The following SIN3A variants were observed in gnomAD, a reference collection of about 807,000 sequenced individuals.
SIN3A encodes the protein paired amphipathic helix protein Sin3a.
In SIN3A, 14 loss-of-function variants were observed where a neutral mutation model predicts 146.1. The ratio of observed to expected loss-of-function variants is 0.10; its 90% CI spans 0.06 to 0.15. The LOEUF (loss-of-function observed/expected upper bound fraction) is 0.15. SIN3A is among the 10% of genes least tolerant of loss of function. The pLI, the probability that SIN3A is intolerant of heterozygous loss-of-function variation, is 1.00. For missense variants in SIN3A, 1,028 were observed against 1,576.0 expected, an observed-to-expected ratio of 0.65 and a Z score of 5.89; for synonymous variants, 572 against 572.0, an observed-to-expected ratio of 1.00 and a Z score of 0.00.
intron 9 of SIN3A, among the ~76,000 whole-genome samples, chr15:75,402,310 G>A (rs150211078): frequency 5.3e-5 from 8 of 152,176 alleles, no homozygotes; most frequent in East Asian, 3.9e-4. Context: ...CCAGGACTTC[G>A]AGCCCAGACT....
intron 2 of SIN3A, among the ~76,000 whole-genome samples, chr15:75,424,326 C>G (rs979352268): frequency 1.3e-5 from 2 of 151,124 alleles, no homozygotes; most frequent in Non-Finnish European, 3.0e-5. Context: ...CCCAGCTATT[C>G]GGGAGGCTGA....
At chr15:75,450,197 C>T (rs897240136) in intron 1 of SIN3A, among the ~76,000 whole-genome samples, 2 of 151,550 alleles carry the variant, frequency 1.3e-5, no homozygotes, top group Admixed American at 6.6e-5. Context: ...AAAAAACAAA[C>T]CCTACTTTAT....
Position 75,392,348 on chromosome 15 carries a change from C to T in SIN3A, c.2745G>A (p.Arg915=). Residue 915 remains arginine, a synonymous_variant, in exon 15 of 21, where the codon CGG becomes CGA. Transcript: ENST00000394947. ...RLLRICSQAE[R]QIEEENRERE... is the part of the protein sequence containing the mutation. ...TCTCTCGGTTTTCTTCTTCAATTTG[C>T]CGTTCGGCTTGGGAACAAATCCGTA... 6.2e-7 allele frequency: 1 copy of T among 1,614,230 alleles called. No individual in the cohort carries two copies. Among genetic ancestry groups the T allele is most frequent in the Non-Finnish European group, 8.5e-7 (1 of 1,180,046 alleles).
At chr15:75,402,125 G>A (rs767599740) in intron 9 of SIN3A, among the ~76,000 whole-genome samples, 155 bp from the exon 10 acceptor site, 6 of 152,066 alleles carry the variant, frequency 3.9e-5, no homozygotes, top group Non-Finnish European at 5.9e-5. Context: ...TGGGACTACA[G>A]GTGTGAGCCA....
chr15:75,422,785 G>C lies in SIN3A; in HGVS notation c.228C>G (p.Pro76=). ...GGCTGCTATGAACTGCTGCTATAGC[G>C]GGCCCATGACTGCCGGAGCTCTGTG... is the stretch of plus-strand genomic sequence containing the variant. ...AMPQSSGSHG[P]AIAAVHSSHH... is the part of the protein sequence containing the mutation. Residue 76 remains proline, a synonymous_variant, in exon 3 of 21, where the codon CCC becomes CCG. Coordinates refer to ENST00000394947, the MANE Select transcript of SIN3A (RefSeq NM_001145358.2). 1 of 1,614,132 alleles carries C rather than the reference G, an allele frequency of 6.2e-7. No individual in the cohort carries two copies. The highest frequency in any genetic ancestry group is 8.5e-7 in the Non-Finnish European group (1 of 1,180,004).
Position 75,396,361 on chromosome 15 carries a change from T to C in SIN3A, c.1990A>G (p.Ile664Val). The change falls in exon 13 of 21, where the codon ATC (isoleucine) becomes GTC (valine). Residue 664 changes from isoleucine to valine, a missense_variant. By Grantham distance (29) the Ile-to-Val change is conservative. Around this residue, in one of 9 missense-constraint regions of SIN3A, gnomAD observed 157 missense variants for 284.8 expected, o/e 0.55. Transcript: ENST00000394947. ...ATCCTCTGGAGTGCTTTTCTATGGATGACTTCTGATGTGCCCCCAAGGGTG... is the reference window on the plus strand; with the variant it reads ...ATCCTCTGGAGTGCTTTTCTATGGACGACTTCTGATGTGCCCCCAAGGGTG... ...DNTLGGTSEV[I>V]HRKALQRIYA... The C allele has an allele frequency of 1.2e-6, 2 of 1,614,200 alleles. No homozygotes were observed. The highest frequency in any genetic ancestry group is 1.7e-6 in the Non-Finnish European group (2 of 1,180,028).
upstream of SIN3A, among the ~76,000 whole-genome samples, chr15:75,454,700 C>A (rs1445127767): frequency 6.6e-6 from 1 of 151,556 alleles, no homozygotes; most frequent in Non-Finnish European, 1.5e-5. Context: ...CGCCCCCGCC[C>A]CATCCGCGCC....
intron 9 of SIN3A, among the ~76,000 whole-genome samples, chr15:75,405,724 C>T (rs556025665): frequency 2.0e-5 from 3 of 152,140 alleles, no homozygotes; most frequent in African/African-American, 7.2e-5. Flanking sequence ...GCACTCCAAG[C>T]TGGGCAACAG....
chr15:75,422,424 C>T, intron 3 of SIN3A: 1 of 617,796 alleles, frequency 1.6e-6, no homozygotes. Flanking sequence ...GACCGACATG[C>T]ATTCATACAG....
chr15:75,383,718 C>T (rs1006605479), intron 17 of SIN3A, among the ~76,000 whole-genome samples: 10 of 152,098 alleles, frequency 6.6e-5, no homozygotes, highest in East Asian at 3.9e-4. Context: ...TTAGTAGAGA[C>T]GGGGGCAATC....
chr15:75,434,457 C>G (rs1422056307), intron 1 of SIN3A, among the ~76,000 whole-genome samples: 4 of 151,930 alleles, frequency 2.6e-5, no homozygotes, highest in Admixed American at 6.6e-5. Context: ...CAAGACCAGA[C>G]CGGCCAACAT....
intron 1 of SIN3A, among the ~76,000 whole-genome samples, chr15:75,433,208 C>T (rs1233242372): frequency 6.6e-6 from 1 of 152,144 alleles, no homozygotes; most frequent in Admixed American, 6.5e-5. Context: ...GAACTGGATT[C>T]TACTCCAAAC....
chr15:75,441,729 T>C (rs1052111487), intron 1 of SIN3A, among the ~76,000 whole-genome samples: 1 of 152,206 alleles, frequency 6.6e-6, no homozygotes, highest in Non-Finnish European at 1.5e-5. Context: ...ATGAAATACT[T>C]TGAAAACTCA....
At chr15:75,383,048 C>T (rs1219334749) in intron 17 of SIN3A, among the ~76,000 whole-genome samples, 2 of 151,842 alleles carry the variant, frequency 1.3e-5, no homozygotes, top group South Asian at 2.1e-4. Flanking sequence ...AATAGCACCA[C>T]TGCACTCCAA....
chr15:75,427,199 C>T (rs1011209462), intron 2 of SIN3A, among the ~76,000 whole-genome samples: 1 of 151,836 alleles, frequency 6.6e-6, no homozygotes, highest in African/African-American at 2.4e-5. Context: ...ATGGCAAAAC[C>T]CTGTCTCTAC....
upstream of SIN3A, among the ~76,000 whole-genome samples, chr15:75,455,443 C>T (rs1453776598): frequency 6.6e-6 from 1 of 152,196 alleles, no homozygotes; most frequent in East Asian, 1.9e-4. Flanking sequence ...CCTGCCCGCC[C>T]CTTCTCCAGT....
At position 75,392,723 on chromosome 15, in the gene SIN3A, A is replaced by T. The variant is rs1041087068; in HGVS notation, c.2370T>A (p.Ala790=). ...AYEDKQILED[A]AALIIHHVKR... Reference sequence around the variant, plus strand: ...TCACATGGTGGATAATCAGAGCAGCAGCATCTTCCAGTATTTGTTTGTCTT... The same window carrying T: ...TCACATGGTGGATAATCAGAGCAGCTGCATCTTCCAGTATTTGTTTGTCTT... The change falls in exon 15 of 21, where the codon GCT becomes GCA. Residue 790 remains alanine (A), a synonymous_variant. Transcript: ENST00000394947. 7.4e-6 allele frequency: 12 copies of T among 1,614,240 alleles called. No individual in the cohort carries two copies. Among genetic ancestry groups the T allele is most frequent in the Non-Finnish European group, 1.0e-5 (12 of 1,180,040 alleles).
Position 75,392,731 on chromosome 15 carries a change from C to T in SIN3A, c.2362G>A (p.Glu788Lys). 6.2e-7 allele frequency: 1 copy of T among 1,614,196 alleles called. No homozygotes were observed. The highest frequency in any genetic ancestry group is 8.5e-7 in the Non-Finnish European group (1 of 1,180,038). The change falls in exon 15 of 21, where the codon GAA (glutamate) becomes AAA (lysine). Residue 788 changes from glutamate to lysine, a missense_variant. By Grantham distance (56) the Glu-to-Lys change is moderately conservative (BLOSUM62 1). Transcript: ENST00000394947. ...SLAYEDKQIL[E>K]DAAALIIHHV... is the part of the protein sequence containing the mutation. Reference sequence around the variant, plus strand: ...TGGATAATCAGAGCAGCAGCATCTTCCAGTATTTGTTTGTCTTCATACGCA... The same window carrying T: ...TGGATAATCAGAGCAGCAGCATCTTTCAGTATTTGTTTGTCTTCATACGCA...
chr15:75,373,754 T>TAAA (rs1011963776), intron 20 of SIN3A, among the ~76,000 whole-genome samples: 1 of 132,340 alleles, frequency 7.6e-6, no homozygotes, highest in Non-Finnish European at 1.6e-5. Context: ...CTATTTTCAT[T>TAAA]AAAAAAAAAA....
Sources: allele counts gnomAD v4.1 joint callset (sites outside exome capture counted in the v4.1 genomes callset), GRCh38; gene constraint gnomAD v4.1.1; regional missense constraint gnomAD v4.1.1; transcripts MANE v1.5; gene names NCBI Gene and HGNC (gene_info 2026-07-23, HGNC 2026-07-21).